CNTNAP3B: variants seen among roughly 807,000 people sequenced by gnomAD.
CNTNAP3B encodes the protein contactin-associated protein-like 3B.
A neutral mutation model predicts 108.9 loss-of-function variants in CNTNAP3B; 25 were observed. The observed-to-expected ratio is 0.23, with a 90% CI of 0.17 to 0.32. The LOEUF (loss-of-function observed/expected upper bound fraction) is 0.32. CNTNAP3B is among the 10% of genes least tolerant of loss of function. CNTNAP3B has a pLI of 1.00. For missense variants in CNTNAP3B, 252 were observed against 1,210.4 expected (o/e 0.21, Z 11.75); for synonymous variants, 103 against 473.4 (o/e 0.22, Z 10.16).
chr9:42,014,780 G>T (rs1826192005), intron 3 of CNTNAP3B, among the ~76,000 whole-genome samples: 1 of 55,940 alleles, frequency 1.8e-5, no homozygotes, highest in South Asian at 6.7e-4. Context: ...AACAGAGGTA[G>T]ACTCCGTCAC....
Position 42,029,658 on chromosome 9 carries a change from G to A in CNTNAP3B, c.391-16133C>T, listed in dbSNP as rs1429778067. The stretch of plus-strand genomic sequence containing the variant: ...AGATTCTCCTGCCTCAGCCTCCTGA[G>A]TAGCTAGGACTACAGGCACATGCCA... On this transcript the variant is annotated intron_variant, in intron 3 of 23. Coordinates refer to ENST00000377561, the MANE Select transcript of CNTNAP3B (RefSeq NM_001201380.3). Among the ~76,000 whole-genome samples the A allele has an allele frequency of 2.4e-5, 3 of 124,358 alleles. 1 individual carries two copies. Among genetic ancestry groups the A allele is most frequent in the Admixed American group, 8.1e-5 (1 of 12,382 alleles). 81.6% of individuals were successfully genotyped at this position (124,358 alleles called of 152,430 possible). A position where few individuals can be genotyped will look rare whatever the true frequency, so the allele number is the denominator to read the frequency against.
chr9:41,997,356 A>G (rs1300010206), intron 6 of CNTNAP3B, among the ~76,000 whole-genome samples: 1 of 152,214 alleles, frequency 6.6e-6, no homozygotes, highest in African/African-American at 2.4e-5. Flanking sequence ...CCTAAACCTA[A>G]CACTGACTGT....
intron 13 of CNTNAP3B, among the ~76,000 whole-genome samples, chr9:41,940,053 C>G (rs1241140606): frequency 6.6e-6 from 1 of 152,292 alleles, no homozygotes; most frequent in Non-Finnish European, 1.5e-5. Context: ...GAGGACCCAC[C>G]AATAGGCTTT....
rs1181847955 is a variant in CNTNAP3B, at chr9:42,064,553, C to T, written c.390+12316G>A. Among the ~76,000 whole-genome samples, 2 of 113,230 alleles carry T rather than the reference C, an allele frequency of 1.8e-5. 1 individual carries two copies. Among genetic ancestry groups the T allele is most frequent in the African/African-American group, 7.6e-5 (2 of 26,392 alleles). The allele number at this position is 113,230 out of a possible 152,430, so 74.3% of individuals were successfully genotyped here. A position where few individuals can be genotyped will look rare whatever the true frequency, so the allele number is the denominator to read the frequency against. On this transcript the variant is annotated intron_variant, in intron 3 of 23. Coordinates refer to ENST00000377561, the MANE Select transcript of CNTNAP3B (RefSeq NM_001201380.3). ...GCTGAGGTTGGGGTATGAATGATCC[C>T]TTCACCCAGATACTAACTAAACAGT...
At chr9:41,919,741 T>C (rs1455151689) in intron 18 of CNTNAP3B, among the ~76,000 whole-genome samples, 3 of 152,270 alleles carry the variant, frequency 2.0e-5, no homozygotes, top group African/African-American at 7.2e-5. Context: ...AAAACAAAAA[T>C]AAGAATGATG....
chr9:41,978,989 C>A (rs1173386030), intron 9 of CNTNAP3B, among the ~76,000 whole-genome samples: 3 of 141,100 alleles, frequency 2.1e-5, no homozygotes, highest in Non-Finnish European at 4.6e-5. Flanking sequence ...GGCAGTGTAG[C>A]AGCAGTGGGT....
chr9:42,056,328 TA>T (rs1170905836), intron 3 of CNTNAP3B, among the ~76,000 whole-genome samples: 2,031 of 42,362 alleles, frequency 0.048, 141 homozygotes, highest in African/African-American at 0.13. Context: ...TCATGAATTT[TA>T]TTATTATTAT....
chr9:41,916,056 A>G (rs1823509017), intron 18 of CNTNAP3B, among the ~76,000 whole-genome samples: 1 of 151,356 alleles, frequency 6.6e-6, no homozygotes, highest in Non-Finnish European at 1.5e-5. Flanking sequence ...ATTATTTTAT[A>G]TAATTTGTTC....
At chr9:42,078,462 A>G (rs1417310225) in intron 2 of CNTNAP3B, among the ~76,000 whole-genome samples, 2 of 139,520 alleles carry the variant, frequency 1.4e-5, no homozygotes, top group Admixed American at 7.2e-5. Context: ...TTATATATAT[A>G]GTATGTACAC....
At chr9:42,111,009 C>T (rs1404133602) in intron 1 of CNTNAP3B, among the ~76,000 whole-genome samples, 7 of 138,930 alleles carry the variant, frequency 5.0e-5, no homozygotes, top group Admixed American at 1.4e-4. Context: ...GATCTCCATT[C>T]GATTATCTTC....
chr9:42,115,460 C>G (rs184523975), intron 1 of CNTNAP3B, among the ~76,000 whole-genome samples: 1 of 139,624 alleles, frequency 7.2e-6, no homozygotes. Context: ...GGAGACAACT[C>G]CCAGTAGGGG....
At chr9:41,945,925 G>A (rs539173095) in intron 13 of CNTNAP3B, among the ~76,000 whole-genome samples, 167 of 152,300 alleles carry the variant, frequency 1.1e-3, no homozygotes, top group Middle Eastern at 3.4e-3. Context: ...CAAAAAGAAA[G>A]ACAGAGTATC....
chr9:42,121,498 G>A (rs1828460539), intron 1 of CNTNAP3B, among the ~76,000 whole-genome samples: 1 of 138,248 alleles, frequency 7.2e-6, no homozygotes, highest in Non-Finnish European at 1.5e-5. Flanking sequence ...GAAGGAGGTA[G>A]AGGACATCTG....
chr9:41,915,694 C>G (rs1823497992), intron 18 of CNTNAP3B, among the ~76,000 whole-genome samples: 1 of 145,098 alleles, frequency 6.9e-6, no homozygotes, highest in Admixed American at 6.8e-5. Flanking sequence ...TGAAAGGTTA[C>G]TGGAGTTTGT....
At chr9:41,940,671 C>T (rs1416720164) in intron 13 of CNTNAP3B, among the ~76,000 whole-genome samples, 18 of 152,316 alleles carry the variant, frequency 1.2e-4, no homozygotes, top group East Asian at 3.9e-4. Context: ...AAAAAATAGA[C>T]GAGCGTAGCG....
chr9:41,999,368 G>T (rs1288696906), intron 4 of CNTNAP3B, among the ~76,000 whole-genome samples: 2 of 15,244 alleles, frequency 1.3e-4, no homozygotes, highest in Admixed American at 1.9e-3. Flanking sequence ...CATCCAATCA[G>T]TTGAAGGCTG....
intron 10 of CNTNAP3B, among the ~76,000 whole-genome samples, chr9:41,967,630 C>T: frequency 6.6e-6 from 1 of 152,408 alleles, no homozygotes; most frequent in African/African-American, 2.4e-5. Flanking sequence ...TCAGTATTTT[C>T]AGGTTTTCAA....
chr9:42,127,703 G>C (rs1828602924), intron 1 of CNTNAP3B, among the ~76,000 whole-genome samples: 1 of 139,766 alleles, frequency 7.2e-6, no homozygotes, highest in African/African-American at 2.8e-5. Flanking sequence ...ACACGGTACA[G>C]CATCTGACCA....
chr9:41,923,582 C>G (rs1340180880), intron 16 of CNTNAP3B, among the ~76,000 whole-genome samples: 19 of 152,388 alleles, frequency 1.2e-4, no homozygotes, highest in Middle Eastern at 3.4e-3. Context: ...GTCAACATGG[C>G]AAAACCCCAC....
Sources: gnomAD v4.1 joint callset for allele counts (sites outside exome capture counted in the v4.1 genomes callset) on GRCh38, gnomAD v4.1.1 for gene constraint, MANE v1.5 for transcripts, NCBI Gene and HGNC (gene_info 2026-07-23, HGNC 2026-07-21) for gene names.